HID1: variants seen among roughly 807,000 people sequenced by gnomAD.
HID1 encodes the protein protein HID1.
HID1 carries 42 observed loss-of-function variants against 89.7 expected under a neutral mutation model. That is an observed-to-expected ratio of 0.47 (90% CI 0.37 to 0.61). HID1 has a LOEUF of 0.61. HID1 is among the 20% of genes least tolerant of loss of function. The pLI, the probability that HID1 is intolerant of heterozygous loss-of-function variation, is 0.00. For synonymous variants in HID1, 442 were observed against 433.8 expected (o/e 1.02, Z -0.24); for missense variants, 854 against 1,039.3 (o/e 0.82, Z 2.45).
chr17:74,969,839 G>A (rs1330901110), intron 1 of HID1, among the ~76,000 whole-genome samples: 14 of 151,242 alleles, frequency 9.3e-5, no homozygotes, highest in Non-Finnish European at 2.1e-4. Flanking sequence ...GGGCTCAAGC[G>A]ATCCTCCTGC....
At chr17:74,955,064 G>A (rs1421403970) in intron 13 of HID1, 1 of 156,556 alleles carries the variant, frequency 6.4e-6, no homozygotes, top group East Asian at 1.9e-4. Context: ...AGGACCCTTA[G>A]AACCATTGTT....
intron 1 of HID1, among the ~76,000 whole-genome samples, chr17:74,967,239 A>AAAT (rs1031965357): frequency 1.1e-4 from 16 of 150,046 alleles, no homozygotes; most frequent in South Asian, 6.4e-4. Flanking sequence ...TCCATTTCAA[A>AAAT]AATAATAATA....
In HID1 at chr17:74,952,357, G is replaced by A. The variant is rs2039316672; in HGVS notation, c.2056C>T (p.Leu686Phe). 3.1e-6 allele frequency: 5 copies of A among 1,613,368 alleles called. No homozygotes were observed. Among genetic ancestry groups the A allele is most frequent in the African/African-American group, 1.3e-5 (1 of 74,926 alleles). ...AGCGGCAGCTTCGACTTCCAGGAGA[G>A]GACCTGGCGAGGGACGGGGTTCCTG... ...GQWSPTPEWV[L>F]SWKSKLPLQT... is the part of the protein sequence containing the mutation. The change falls in exon 17 of 19, where the codon CTC (leucine) becomes TTC (phenylalanine). Residue 686 changes from leucine (L) to phenylalanine (F), a missense_variant. Transcript: ENST00000425042.
chr17:74,960,225 G>C lies in HID1; in HGVS notation c.752C>G (p.Ser251Cys), dbSNP rs1377079692. ...ATAGGCACACACGGTGTTGAGGAGG[G>C]AGGTGAAGAGGGGCAGGGCATGTCT... is the stretch of plus-strand genomic sequence containing the variant. ...ENRHALPLFT[S>C]LLNTVCAYDP... The change falls in exon 7 of 19, where the codon TCC becomes TGC. Residue 251 changes from serine (S) to cysteine (C), a missense_variant. Transcript: ENST00000425042. 6.2e-7 allele frequency: 1 copy of C among 1,611,574 alleles called. No homozygotes were observed. Among genetic ancestry groups the C allele is most frequent in the Non-Finnish European group, 8.5e-7 (1 of 1,179,974 alleles).
At chr17:74,954,529 G>A in intron 13 of HID1, 164 bp from the exon 14 acceptor site, 1 of 1,250,074 alleles carries the variant, frequency 8.0e-7, no homozygotes, top group South Asian at 1.4e-5. Flanking sequence ...GGGCAGGGCT[G>A]GCACTGGCTG....
rs776191683 is a variant in HID1 at position 74,959,836 on chromosome 17, G to C, written c.1008+45C>G. The C allele has an allele frequency of 2.2e-5, 35 of 1,594,582 alleles. No homozygotes were observed. In the Admixed American group the frequency reaches 3.0e-4, roughly 14 times the overall value. On this transcript the variant is annotated intron_variant, in intron 8 of 18. Coordinates refer to ENST00000425042, the MANE Select transcript of HID1 (RefSeq NM_030630.3). The surrounding 1 kb of genome is among the most constrained non-coding windows in gnomAD (Gnocchi z 4.6). ...GATCCCCCATATCCCTGTCTCACTT[G>C]CATCCCCCTGCACCCTGCAAAGCCA...
At chr17:74,953,445 G>T in intron 15 of HID1, 100 bp downstream of exon 15, 2 of 894,512 alleles carry the variant, frequency 2.2e-6, no homozygotes, top group Non-Finnish European at 1.8e-6. Context: ...CCCCTCTGCT[G>T]CAGGTGACCC....
rs564809707 is a variant in HID1 at position 74,958,314 on chromosome 17, C to A, written c.1392+13G>T. 3.1e-6 allele frequency: 5 copies of A among 1,612,456 alleles called. No homozygotes were observed. Among genetic ancestry groups the A allele is most frequent in the Non-Finnish European group, 4.2e-6 (5 of 1,179,398 alleles). ...CCTGCACCTCCTGGGCCCGGCCGCACGAGCCCCCTCACCACAATGAGCAGG... is the reference window on the plus strand; with the variant it reads ...CCTGCACCTCCTGGGCCCGGCCGCAAGAGCCCCCTCACCACAATGAGCAGG... On this transcript the variant is annotated intron_variant, in intron 11 of 18. Transcript: ENST00000425042. The surrounding 1 kb of genome is among the most constrained non-coding windows in gnomAD (Gnocchi z 5.2).
In HID1 at chr17:74,963,321, C is replaced by T. The variant is rs764476535; in HGVS notation, c.388-240G>A. The T allele has an allele frequency of 7.6e-6, 4 of 524,034 alleles. No homozygotes were observed. In the South Asian group the frequency reaches 9.8e-5, roughly 13 times the overall value. 32.5% of individuals were successfully genotyped at this position (524,034 alleles called of 1,614,324 possible). On this transcript the variant is annotated intron_variant, in intron 3 of 18. Coordinates refer to ENST00000425042, the MANE Select transcript of HID1 (RefSeq NM_030630.3). ...CCCCTACTGACTGGAGGGGGCCGGG[C>T]GGTGACCCCAACATCAAGAGTCTCA...
chr17:74,960,046 T>A lies in HID1; in HGVS notation c.931A>T (p.Thr311Ser). 1 of 1,613,540 alleles carries A rather than the reference T, an allele frequency of 6.2e-7. No homozygotes were observed. Among genetic ancestry groups the A allele is most frequent in the African/African-American group, 1.3e-5 (1 of 75,056 alleles). The part of the protein sequence containing the change: ...SPTVDGTTTG[T>S]AMDDADPPGP... ...CTTACATCGGCATCATCCATGGCGG[T>A]GCCAGTGGTGGTGCCGTCCACAGTG... Residue 311 changes from threonine (T) to serine (S), a missense_variant, in exon 7 of 19, where the codon ACC becomes TCC. Transcript: ENST00000425042.
At chr17:74,967,554 A>G (rs1018384925) in intron 1 of HID1, among the ~76,000 whole-genome samples, 7 of 151,708 alleles carry the variant, frequency 4.6e-5, no homozygotes, top group African/African-American at 1.5e-4. Flanking sequence ...AATAAAAAAT[A>G]TAATAATAAT....
In HID1 at chr17:74,972,743, C is replaced by T; in HGVS notation, c.-87G>A. The T allele has an allele frequency of 7.6e-7, 1 of 1,321,010 alleles. No individual in the cohort carries two copies. Among genetic ancestry groups the T allele is most frequent in the Non-Finnish European group, 1.0e-6 (1 of 989,340 alleles). The allele number at this position is 1,321,010 out of a possible 1,614,324, so 81.8% of individuals were successfully genotyped here. On this transcript the variant is annotated 5_prime_UTR_variant, in exon 1 of 19. Transcript: ENST00000425042. This position sits in a 1 kb window ranked among gnomAD's most constrained non-coding sequence, Gnocchi z 6.4. ...TCCGGCTCCAGCTCCGCGGCCCCCGCGGCTCTCGCAGGAGACAAGCGGCGC... is the reference window on the plus strand; with the variant it reads ...TCCGGCTCCAGCTCCGCGGCCCCCGTGGCTCTCGCAGGAGACAAGCGGCGC...
chr17:74,969,585 C>A (rs772406444), intron 1 of HID1, among the ~76,000 whole-genome samples: 6 of 151,952 alleles, frequency 3.9e-5, no homozygotes, highest in Non-Finnish European at 8.8e-5. Flanking sequence ...TCCAGGTATT[C>A]TTCTCCCCTT....
intron 14 of HID1, 60 bp from the exon 15 acceptor site, chr17:74,953,711 C>T (rs538356096): frequency 1.1e-5 from 15 of 1,313,156 alleles, no homozygotes; most frequent in Admixed American, 3.6e-5. Context: ...CTAGCCCTTC[C>T]TCCACCCACT....
intron 1 of HID1, among the ~76,000 whole-genome samples, chr17:74,966,025 G>A (rs542602479): frequency 1.3e-5 from 2 of 151,850 alleles, no homozygotes; most frequent in Admixed American, 6.6e-5. Flanking sequence ...GGTGGCTCAC[G>A]CCTGTAATCC....
intron 1 of HID1, among the ~76,000 whole-genome samples, chr17:74,969,196 C>CT (rs201106388): frequency 0.02 from 3,056 of 151,538 alleles, 46 homozygotes; most frequent in Middle Eastern, 0.061. Context: ...AATATCTGAT[C>CT]TTTTTTTTTC....
At chr17:74,957,245 A>C (rs1441714807) in intron 12 of HID1, among the ~76,000 whole-genome samples, 1 of 151,970 alleles carries the variant, frequency 6.6e-6, no homozygotes, top group African/African-American at 2.4e-5. Context: ...AGGCCAAGGC[A>C]GGCAGATTGC....
At chr17:74,957,458 C>G (rs2039406942) in intron 12 of HID1, among the ~76,000 whole-genome samples, 1 of 151,594 alleles carries the variant, frequency 6.6e-6, no homozygotes, top group African/African-American at 2.4e-5. Flanking sequence ...GCCTGAGCAA[C>G]AGAGAGTGAG....
rs545331537 is a variant in HID1, at chr17:74,951,075, G to A, written c.*495C>T. The A allele has an allele frequency of 3.9e-5, 6 of 155,062 alleles. No individual in the cohort carries two copies. Among genetic ancestry groups the A allele is most frequent in the Non-Finnish European group, 5.7e-5 (4 of 70,128 alleles). 9.6% of individuals were successfully genotyped at this position (155,062 alleles called of 1,614,324 possible). A position where few individuals can be genotyped will look rare whatever the true frequency, so the allele number is the denominator to read the frequency against. On this transcript the variant is annotated 3_prime_UTR_variant, in exon 19 of 19. Coordinates refer to ENST00000425042, the MANE Select transcript of HID1 (RefSeq NM_030630.3). ...CAGTCGGCCAGCTCCCAGCCTCCTC[G>A]AGGAGCAGCCTGGCCACACCTTTTT...
Sources: allele counts gnomAD v4.1 joint callset (sites outside exome capture counted in the v4.1 genomes callset), GRCh38; gene constraint gnomAD v4.1.1; non-coding constraint Gnocchi (gnomAD v3.1); transcripts MANE v1.5; gene names NCBI Gene and HGNC (gene_info 2026-07-23, HGNC 2026-07-21).